Variants in DOCK2 observed in about 807,000 individuals in gnomAD.
DOCK2 encodes the protein dedicator of cytokinesis 2, also known as dedicator of cytokinesis protein 2.
Under a neutral mutation model 248.9 loss-of-function variants are expected in DOCK2, and 87 were observed. The observed-to-expected ratio is 0.35, with a 90% confidence interval of 0.29 to 0.42. The LOEUF (loss-of-function observed/expected upper bound fraction) is 0.42. DOCK2 is among the 10% of genes least tolerant of loss of function. The pLI, the probability that DOCK2 is intolerant of heterozygous loss-of-function variation, is 1.00. For missense variants in DOCK2, 1,747 were observed against 2,300.2 expected (o/e 0.76, Z 4.92); for synonymous variants, 805 against 821.6 (o/e 0.98, Z 0.35).
intron 27 of DOCK2, among the ~76,000 whole-genome samples, chr5:169,947,822 A>C (rs114628938): frequency 2.0e-4 from 30 of 152,312 alleles, no homozygotes; most frequent in Non-Finnish European, 4.0e-4. Context: ...ATGAGCATAC[A>C]TAAATACATA....
chr5:169,968,390 A>G (rs1777377792), intron 27 of DOCK2, among the ~76,000 whole-genome samples: 1 of 152,186 alleles, frequency 6.6e-6, no homozygotes, highest in Non-Finnish European at 1.5e-5. Context: ...TCTATGTGTC[A>G]GGCATTGAGG....
At chr5:169,848,404 T>C (rs1305045515) in intron 27 of DOCK2, among the ~76,000 whole-genome samples, 2 of 152,246 alleles carry the variant, frequency 1.3e-5, no homozygotes, top group Non-Finnish European at 1.5e-5. Context: ...GATATTGTCC[T>C]GTCTCACAGG....
At chr5:169,952,006 T>C (rs183292534) in intron 27 of DOCK2, among the ~76,000 whole-genome samples, 1 of 152,336 alleles carries the variant, frequency 6.6e-6, no homozygotes, top group East Asian at 1.9e-4. Flanking sequence ...TTGTTGGTGC[T>C]GATGGTTAAA....
chr5:170,058,800 G>A (rs1407072821), intron 44 of DOCK2, among the ~76,000 whole-genome samples: 1 of 152,176 alleles, frequency 6.6e-6, no homozygotes, highest in Admixed American at 6.5e-5. Flanking sequence ...TCAGACGATA[G>A]CATTGAGACC....
At chr5:169,942,955 A>G (rs1431986538) in intron 27 of DOCK2, among the ~76,000 whole-genome samples, 1 of 152,244 alleles carries the variant, frequency 6.6e-6, no homozygotes, top group African/African-American at 2.4e-5. Context: ...GAGAGACTCT[A>G]TGTAAAACAC....
chr5:169,956,255 G>C (rs1358603159), intron 27 of DOCK2, among the ~76,000 whole-genome samples: 1 of 152,206 alleles, frequency 6.6e-6, no homozygotes, highest in East Asian at 1.9e-4. Context: ...GCTTCTTTAA[G>C]TGTGTGCAAG....
At chr5:169,718,093 C>A (rs926676744) in intron 21 of DOCK2, among the ~76,000 whole-genome samples, 13 of 151,770 alleles carry the variant, frequency 8.6e-5, no homozygotes, top group African/African-American at 2.9e-4. Context: ...ACAAAAACAG[C>A]GGGGGAGCTA....
chr5:169,909,719 A>G (rs1167578356), intron 27 of DOCK2, among the ~76,000 whole-genome samples: 1 of 152,248 alleles, frequency 6.6e-6, no homozygotes, highest in Non-Finnish European at 1.5e-5. Flanking sequence ...AACAAACAGA[A>G]TTTTGGTTCT....
At chr5:169,771,513 C>T (rs1030158537) in intron 25 of DOCK2, among the ~76,000 whole-genome samples, 11 of 152,216 alleles carry the variant, frequency 7.2e-5, no homozygotes, top group African/African-American at 2.6e-4. Context: ...GAACTCCTGA[C>T]CTTGTGATCC....
intron 25 of DOCK2, among the ~76,000 whole-genome samples, chr5:169,796,420 A>C (rs1407774662): frequency 6.6e-6 from 1 of 152,160 alleles, no homozygotes; most frequent in Non-Finnish European, 1.5e-5. Flanking sequence ...CATTATATCA[A>C]AAGGCCACTG....
chr5:169,758,710 G>T (rs1424745854), intron 23 of DOCK2, among the ~76,000 whole-genome samples: 1 of 152,140 alleles, frequency 6.6e-6, no homozygotes, highest in Non-Finnish European at 1.5e-5. Context: ...TCCCTTGCAG[G>T]GTTGTAACTA....
intron 27 of DOCK2, among the ~76,000 whole-genome samples, chr5:169,927,835 C>G (rs1262777069): frequency 6.6e-6 from 1 of 152,166 alleles, no homozygotes; most frequent in Non-Finnish European, 1.5e-5. Flanking sequence ...CCAGGATGGT[C>G]TCAATCTCCT....
intron 25 of DOCK2, among the ~76,000 whole-genome samples, chr5:169,780,325 GTGTGTGT>G (rs757392959): frequency 0.12 from 18,550 of 151,022 alleles, 1,396 homozygotes; most frequent in Non-Finnish European, 0.17. Flanking sequence ...GTGTGTGTGT[GTGTGTGT>G]GTGTGTGTTG....
intron 27 of DOCK2, chr5:169,883,125 G>A (rs1328722243): frequency 1.3e-6 from 2 of 1,551,476 alleles, no homozygotes; most frequent in African/African-American, 2.7e-5. Context: ...TGGCATTTAA[G>A]CAGGAGGTGG....
rs1759212295 is a variant in DOCK2, at chr5:169,674,385, C to T, written c.410C>T (p.Pro137Leu). 1 of 1,613,988 alleles carries T rather than the reference C, an allele frequency of 6.2e-7. No individual in the cohort carries two copies. Among genetic ancestry groups the T allele is most frequent in the Non-Finnish European group, 8.5e-7 (1 of 1,180,010 alleles). ...WRSQLLSGTL[P>L]KDELKELKQK... ...TCCCAGCTTCTCTCAGGAACCTTAC[C>T]CAAGGATGAGCTGAAGGAACTGAAG... The change falls in exon 6 of 52, where the codon CCC becomes CTC. Residue 137 changes from proline (P) to leucine (L), a missense_variant. This residue lies in a region of DOCK2 where 375 missense variants were observed against 510.9 expected (regional missense o/e 0.73). Transcript: ENST00000520908.
At position 170,045,876 on chromosome 5, in the gene DOCK2, T is replaced by A. The variant is rs1235223610; in HGVS notation, c.3937T>A (p.Phe1313Ile). 6.2e-7 allele frequency: 1 copy of A among 1,614,144 alleles called. No individual in the cohort carries two copies. The highest frequency in any genetic ancestry group is 1.7e-5 in the Admixed American group (1 of 60,034). ...ELAEQYEMEI[F>I]DYELLSQNLI... ...GGCGGAACAGTACGAGATGGAGATC[T>A]TTGACTATGAGCTGCTCAGCCAGAA... Residue 1313 changes from phenylalanine (F) to isoleucine (I), a missense_variant, in exon 39 of 52, where the codon TTT becomes ATT. By Grantham distance (21) the Phe-to-Ile change is conservative. This residue lies in a region of DOCK2 where 858 missense variants were observed against 1,183.5 expected (regional missense o/e 0.72). Transcript: ENST00000520908.
In DOCK2 at chr5:169,882,846, G is replaced by A; in HGVS notation, c.2799+41994G>A. On this transcript the variant is annotated intron_variant, in intron 27 of 51. Transcript: ENST00000520908. ...TTGCCGTCTGCTCCTGACACCCAGG[G>A]GCAGATTTCGATGCACTGTTAGTTT... is the stretch of plus-strand genomic sequence containing the variant. 6.4e-7 allele frequency: 1 copy of A among 1,550,994 alleles called. No homozygotes were observed. The highest frequency in any genetic ancestry group is 1.2e-5 in the South Asian group (1 of 84,034).
At chr5:170,018,083 T>G (rs1323576522) in intron 32 of DOCK2, among the ~76,000 whole-genome samples, 1 of 152,148 alleles carries the variant, frequency 6.6e-6, no homozygotes, top group African/African-American at 2.4e-5. Flanking sequence ...CAGATGTTAA[T>G]CAAACGATTC....
At chr5:169,663,334 G>C (rs55654019) in intron 2 of DOCK2, among the ~76,000 whole-genome samples, 38,395 of 152,136 alleles carry the variant, frequency 0.25, 4,967 homozygotes, top group South Asian at 0.32. Flanking sequence ...AGGTTTTCTA[G>C]GCACACAGTG....
Sources: allele counts gnomAD v4.1 joint callset (sites outside exome capture counted in the v4.1 genomes callset), GRCh38; gene constraint gnomAD v4.1.1; regional missense constraint gnomAD v4.1.1; transcripts MANE v1.5; gene names NCBI Gene and HGNC (gene_info 2026-07-23, HGNC 2026-07-21).